Variants in CLVS1 observed in about 807,000 individuals in gnomAD.
CLVS1 encodes clavesin-1.
In CLVS1, 10 loss-of-function variants were observed where a neutral mutation model predicts 33.1. That is an observed-to-expected ratio of 0.30 (90% CI 0.19 to 0.51). The LOEUF (loss-of-function observed/expected upper bound fraction) is 0.51. Ranked by LOEUF, CLVS1 falls within the 20% of genes least tolerant of loss-of-function variation. The probability of loss-of-function intolerance (pLI) is 0.97; values close to 1 mark genes in which losing one functional copy is unlikely to be tolerated. For synonymous variants in CLVS1, 163 were observed against 166.1 expected (o/e 0.98, Z 0.14); for missense variants, 343 against 433.4 (o/e 0.79, Z 1.85).
At chr8:61,319,347 G>A in intron 2 of CLVS1, among the ~76,000 whole-genome samples, 1 of 152,166 alleles carries the variant, frequency 6.6e-6, no homozygotes, top group East Asian at 1.9e-4. Context: ...ATTAGGGAAG[G>A]TTAAGGATTA....
chr8:61,280,265 A>T lies in CLVS1; in HGVS notation c.-151-19412A>T, dbSNP rs576444965. Reference sequence around the variant, plus strand: ...TCATAAGTTTTATAAATGTTATTAGAAGTTTATGGTAAGTTTTATGAGAAG... The same window carrying T: ...TCATAAGTTTTATAAATGTTATTAGTAGTTTATGGTAAGTTTTATGAGAAG... On this transcript the variant is annotated intron_variant, in intron 2 of 2. Transcript: ENST00000522621. Among the ~76,000 whole-genome samples, 349 of 152,338 alleles carry T rather than the reference A, an allele frequency of 2.3e-3. 1 individual carries two copies. The highest frequency in any genetic ancestry group is 8.0e-3 in the African/African-American group (333 of 41,574).
At chr8:61,051,434 G>A in the CLVS1 span, among the ~76,000 whole-genome samples, 273 of 152,364 alleles carry the variant, frequency 1.8e-3, 1 homozygote, top group African/African-American at 6.4e-3. Flanking sequence ...TGGGAGCCTG[G>A]CTGTACCTGG....
At chr8:61,058,174 G>A (rs1804514158) in intron 1 of CLVS1, among the ~76,000 whole-genome samples, 1 of 152,200 alleles carries the variant, frequency 6.6e-6, no homozygotes, top group African/African-American at 2.4e-5. Context: ...TATGACAGGT[G>A]CATTTTGGCA....
intron 2 of CLVS1, among the ~76,000 whole-genome samples, chr8:61,272,822 C>A (rs1006535632): frequency 6.6e-6 from 1 of 152,002 alleles, no homozygotes; most frequent in African/African-American, 2.4e-5. Flanking sequence ...ACGTAGTTCT[C>A]GAGCCTTGGT....
chr8:61,496,581 A>G (rs1030924165), intron 5 of CLVS1, among the ~76,000 whole-genome samples: 3 of 152,206 alleles, frequency 2.0e-5, no homozygotes, highest in African/African-American at 7.2e-5. Context: ...GCCCTATCCC[A>G]GCAATAAGTG....
chr8:61,172,821 C>A (rs1396529585), intron 2 of CLVS1, among the ~76,000 whole-genome samples: 1 of 152,158 alleles, frequency 6.6e-6, no homozygotes, highest in Non-Finnish European at 1.5e-5. Context: ...TTAGTGTGTG[C>A]CTTCTGTGGT....
chr8:61,444,243 T>G (rs1007242263), intron 3 of CLVS1, among the ~76,000 whole-genome samples: 1 of 152,224 alleles, frequency 6.6e-6, no homozygotes, highest in Non-Finnish European at 1.5e-5. Context: ...CTTATTGCTG[T>G]AACTGGAGCT....
intron 5 of CLVS1, among the ~76,000 whole-genome samples, chr8:61,493,302 G>T (rs957051649): frequency 6.6e-6 from 1 of 152,102 alleles, no homozygotes; most frequent in Non-Finnish European, 1.5e-5. Context: ...TTTTGAGTTT[G>T]ATTCATGCTT....
chr8:61,353,823 A>G (rs1812574990), intron 2 of CLVS1, among the ~76,000 whole-genome samples: 2 of 151,984 alleles, frequency 1.3e-5, no homozygotes, highest in South Asian at 4.1e-4. Flanking sequence ...AAAATCAACA[A>G]AATTGATAAA....
intron 2 of CLVS1, among the ~76,000 whole-genome samples, chr8:61,241,901 A>G (rs1808704803): frequency 6.6e-6 from 1 of 151,398 alleles, no homozygotes; most frequent in Non-Finnish European, 1.5e-5. Context: ...CCTGAAGGAT[A>G]TTTTCACTGG....
Position 61,376,644 on chromosome 8 carries a change from A to G in CLVS1, c.495A>G (p.Ser165=). 1 of 1,614,130 alleles carries G rather than the reference A, an allele frequency of 6.2e-7. No individual in the cohort carries two copies. The highest frequency in any genetic ancestry group is 1.3e-5 in the African/African-American group (1 of 75,042). Residue 165 remains serine (S), a synonymous_variant, in exon 3 of 6, where the codon TCA becomes TCG. Transcript: ENST00000325897. ...FTDILRAILL[S]LEVLIEDPEL... ...ACATCCTTCGTGCCATCCTGCTGTC[A>G]TTGGAAGTCCTAATCGAAGATCCGG...
chr8:61,394,490 G>A (rs1814439192), intron 3 of CLVS1, among the ~76,000 whole-genome samples: 1 of 152,160 alleles, frequency 6.6e-6, no homozygotes, highest in Non-Finnish European at 1.5e-5. Context: ...AGACTCTCCT[G>A]GGGTGGGGCT....
chr8:61,255,745 C>A (rs916493856), intron 2 of CLVS1, among the ~76,000 whole-genome samples: 3 of 152,012 alleles, frequency 2.0e-5, no homozygotes, highest in African/African-American at 2.4e-5. Context: ...GTCAAAACAA[C>A]CAAAAGATTT....
intron 5 of CLVS1, among the ~76,000 whole-genome samples, chr8:61,487,082 T>C (rs1328100805): frequency 6.6e-6 from 1 of 152,118 alleles, no homozygotes; most frequent in Non-Finnish European, 1.5e-5. Flanking sequence ...AAAATACAGA[T>C]TCTGATTTAG....
the CLVS1 span, among the ~76,000 whole-genome samples, chr8:61,011,430 T>C: frequency 6.6e-6 from 1 of 152,160 alleles, no homozygotes; most frequent in Non-Finnish European, 1.5e-5. Flanking sequence ...GGTAGCCTGA[T>C]GCATCATGTC....
chr8:61,069,267 C>A (rs1804745170), intron 1 of CLVS1, among the ~76,000 whole-genome samples: 1 of 152,202 alleles, frequency 6.6e-6, no homozygotes, highest in Non-Finnish European at 1.5e-5. Context: ...CGCGCCCAGC[C>A]AGAATTCTTT....
At chr8:61,372,677 T>C (rs1401132233) in intron 2 of CLVS1, among the ~76,000 whole-genome samples, 3 of 152,198 alleles carry the variant, frequency 2.0e-5, no homozygotes, top group Non-Finnish European at 4.4e-5. Flanking sequence ...AGTCTTTATG[T>C]TTCTTTAGGC....
At chr8:61,035,155 ATTTTT>A in the CLVS1 span, among the ~76,000 whole-genome samples, 1 of 139,008 alleles carries the variant, frequency 7.2e-6, no homozygotes. Context: ...CTGCTCTTTC[ATTTTT>A]CTTTCTTTTC....
intron 1 of CLVS1, among the ~76,000 whole-genome samples, chr8:61,117,660 A>G (rs934970603): frequency 6.6e-6 from 1 of 151,874 alleles, no homozygotes; most frequent in African/African-American, 2.4e-5. Context: ...CTCTGTTTAT[A>G]TGCTGGATTA....
Sources: gnomAD v4.1 joint callset for allele counts (sites outside exome capture counted in the v4.1 genomes callset) on GRCh38, gnomAD v4.1.1 for gene constraint, MANE v1.5 for transcripts, NCBI Gene and HGNC (gene_info 2026-07-23, HGNC 2026-07-21) for gene names.